SLIT3: variants seen among roughly 807,000 people sequenced by gnomAD.
SLIT3 encodes the protein slit guidance ligand 3.
SLIT3 carries 68 observed loss-of-function variants against 184.0 expected under a neutral mutation model. That is an observed-to-expected ratio of 0.37 (90% CI 0.30 to 0.45). The LOEUF is 0.45. Ranked by LOEUF, SLIT3 falls within the 20% of genes least tolerant of loss-of-function variation. The pLI is 1.00. For missense variants in SLIT3, 1,707 were observed against 2,026.0 expected (o/e 0.84, Z 3.02); for synonymous variants, 831 against 828.6 (o/e 1.00, Z -0.05).
intron 20 of SLIT3, among the ~76,000 whole-genome samples, chr5:168,729,199 C>A (rs1006775097): frequency 1.1e-4 from 16 of 151,838 alleles, no homozygotes; most frequent in African/African-American, 3.9e-4. Context: ...GAAAAGAGAT[C>A]AAAAAGTTTA....
intron 4 of SLIT3, among the ~76,000 whole-genome samples, chr5:168,933,400 G>C (rs1762056862): frequency 1.3e-5 from 2 of 152,158 alleles, no homozygotes; most frequent in Admixed American, 1.3e-4. Flanking sequence ...ACATTAGTGG[G>C]GCATGGTGGT....
intron 4 of SLIT3, among the ~76,000 whole-genome samples, chr5:168,920,239 T>C (rs913119926): frequency 1.3e-5 from 2 of 152,176 alleles, no homozygotes; most frequent in Non-Finnish European, 2.9e-5. Flanking sequence ...GGGTAAGCTA[T>C]GCACACTTAC....
intron 16 of SLIT3, among the ~76,000 whole-genome samples, chr5:168,758,356 A>G (rs890519905): frequency 6.6e-6 from 1 of 152,362 alleles, no homozygotes; most frequent in Admixed American, 6.5e-5. Flanking sequence ...TCGCAGAAGC[A>G]AAGACTAGCA....
intron 3 of SLIT3, among the ~76,000 whole-genome samples, chr5:169,219,548 C>T (rs1412795196): frequency 2.0e-5 from 3 of 152,154 alleles, no homozygotes; most frequent in African/African-American, 7.2e-5. Flanking sequence ...GCTATCTGTC[C>T]ATCCTGTTTG....
At chr5:169,023,239 T>A (rs1756671116) in intron 4 of SLIT3, among the ~76,000 whole-genome samples, 1 of 152,166 alleles carries the variant, frequency 6.6e-6, no homozygotes, top group South Asian at 2.1e-4. Flanking sequence ...TGGTATGAGC[T>A]CCTCTGTGAG....
chr5:168,810,815 C>A (rs1341418566), intron 8 of SLIT3, among the ~76,000 whole-genome samples: 3 of 152,156 alleles, frequency 2.0e-5, no homozygotes, highest in Non-Finnish European at 2.9e-5. Flanking sequence ...GTGGTGCTGC[C>A]TCCGGTCCAG....
intron 4 of SLIT3, among the ~76,000 whole-genome samples, chr5:169,034,446 T>C (rs1218136002): frequency 6.6e-6 from 1 of 152,198 alleles, no homozygotes; most frequent in Non-Finnish European, 1.5e-5. Context: ...AAGTTAAGGG[T>C]CCAATTTCGT....
chr5:169,044,174 G>A (rs1757542977), intron 4 of SLIT3, among the ~76,000 whole-genome samples: 1 of 152,190 alleles, frequency 6.6e-6, no homozygotes, highest in Non-Finnish European at 1.5e-5. Flanking sequence ...ACTGAAACAT[G>A]CATACATTGC....
At chr5:169,111,760 A>T (rs866400419) in intron 4 of SLIT3, among the ~76,000 whole-genome samples, 46 of 152,232 alleles carry the variant, frequency 3.0e-4, no homozygotes, top group Non-Finnish European at 5.3e-4. Flanking sequence ...TCAAAAAATA[A>T]ATAATAAATA....
intron 4 of SLIT3, chr5:169,026,202 G>A (rs1756817482): frequency 6.6e-6 from 1 of 152,174 alleles, no homozygotes; most frequent in Admixed American, 6.5e-5. Context: ...GGGCACCTGT[G>A]ACTTCCTTCT....
At chr5:169,143,437 C>G (rs1027375590) in intron 4 of SLIT3, among the ~76,000 whole-genome samples, 1 of 152,204 alleles carries the variant, frequency 6.6e-6, no homozygotes, top group African/African-American at 2.4e-5. Flanking sequence ...AATCTGACAC[C>G]AAAGTCGATG....
rs60281346 is a variant in SLIT3, at chr5:168,787,325, C to T, written c.1080-1347G>A. On this transcript the variant is annotated intron_variant, in intron 11 of 35. Transcript: ENST00000519560. ...AGGGGTCCTCACACCACCCGCCATG[C>T]CTTGGGATAGCAGGCTTCTGAGCCC... Among the ~76,000 whole-genome samples the T allele has an allele frequency of 6.4e-3, 969 of 152,290 alleles. 9 individuals carry two copies. Among genetic ancestry groups the T allele is most frequent in the African/African-American group, 0.022 (909 of 41,544 alleles).
intron 1 of SLIT3, among the ~76,000 whole-genome samples, chr5:169,270,853 C>T (rs1222859807): frequency 6.6e-6 from 1 of 152,112 alleles, no homozygotes. Context: ...ACTCTCTGTG[C>T]CTCTATTTCC....
At chr5:169,246,989 G>T (rs1765615740) in intron 2 of SLIT3, among the ~76,000 whole-genome samples, 1 of 147,024 alleles carries the variant, frequency 6.8e-6, no homozygotes, top group Non-Finnish European at 1.5e-5. Context: ...CCAACACTTT[G>T]GGAGGCCCAG....
rs571182467 is a variant in SLIT3 at position 168,928,724 on chromosome 5, A to T, written c.414-45388T>A. Among the ~76,000 whole-genome samples, 443 of 152,372 alleles carry T rather than the reference A, an allele frequency of 2.9e-3. 1 individual carries two copies. Among genetic ancestry groups the T allele is most frequent in the African/African-American group, 0.01 (416 of 41,586 alleles). The stretch of plus-strand genomic sequence containing the variant: ...AAAGCATTTAAACAGGAATGGCTGT[A>T]GTTAATACTGTAGGTACTACTTTAC... On this transcript the variant is annotated intron_variant, in intron 4 of 35. Coordinates refer to ENST00000519560, the MANE Select transcript of SLIT3 (RefSeq NM_003062.4).
rs573903959 is a variant in SLIT3 at position 168,972,560 on chromosome 5, C to G, written c.414-89224G>C. ...GGCTCTGAAAAGTTACATCACACCT[C>G]TGAGCCTTGGTTTTCTTATCTGTGA... On this transcript the variant is annotated intron_variant, in intron 4 of 35. Coordinates refer to ENST00000519560, the MANE Select transcript of SLIT3 (RefSeq NM_003062.4). Among the ~76,000 whole-genome samples the G allele has an allele frequency of 5.3e-5, 8 of 152,080 alleles. No individual in the cohort carries two copies. The South Asian group carries it at 1.7e-3, about 32-fold the overall frequency.
chr5:168,963,313 A>G (rs893115329), intron 4 of SLIT3, among the ~76,000 whole-genome samples: 1 of 152,176 alleles, frequency 6.6e-6, no homozygotes, highest in Non-Finnish European at 1.5e-5. Context: ...CTGGGATTAC[A>G]GGCATGCACC....
intron 25 of SLIT3, among the ~76,000 whole-genome samples, chr5:168,709,095 C>T (rs72839522): frequency 0.16 from 23,397 of 148,958 alleles, 2,280 homozygotes; most frequent in Non-Finnish European, 0.22. Context: ...GTGTTGTTTT[C>T]TGTTTGTTTT....
chr5:168,764,440 CTG>C (rs1366839236), intron 14 of SLIT3, among the ~76,000 whole-genome samples: 7 of 152,286 alleles, frequency 4.6e-5, no homozygotes, highest in African/African-American at 1.7e-4. Context: ...ACATGTTTTG[CTG>C]CAGACTTGCT....
Sources: allele counts gnomAD v4.1 joint callset (sites outside exome capture counted in the v4.1 genomes callset), GRCh38; gene constraint gnomAD v4.1.1; transcripts MANE v1.5; gene names NCBI Gene and HGNC (gene_info 2026-07-23, HGNC 2026-07-21).